Variants in USH2A observed in about 807,000 individuals in gnomAD.
USH2A encodes Usher syndrome 2A (autosomal recessive, mild).
In USH2A, 443 loss-of-function variants were observed where a neutral mutation model predicts 538.9. The observed-to-expected ratio is 0.82, with a 90% CI of 0.76 to 0.89. The LOEUF is 0.89. Among genes scored for constraint, USH2A ranks in the 40% least tolerant of loss-of-function variants. The pLI is 0.00. For synonymous variants in USH2A, 2,413 were observed against 2,273.5 expected (o/e 1.06, Z -1.75); for missense variants, 6,633 against 6,324.8 (o/e 1.05, Z -1.65).
intron 11 of USH2A, among the ~76,000 whole-genome samples, chr1:216,251,703 G>T (rs1235308932): frequency 6.6e-6 from 1 of 152,028 alleles, no homozygotes; most frequent in East Asian, 1.9e-4. Context: ...GCCTCCCAAA[G>T]TGCTGGGATT....
In USH2A at chr1:215,647,593, A is replaced by G; in HGVS notation, c.14720T>C (p.Leu4907Pro). Residue 4907 changes from leucine to proline, a missense_variant, in exon 67 of 72, where the codon CTG (leucine) becomes CCG (proline). Transcript: ENST00000307340. ...CACCTCGTTGTGTGCCACCACTCTCAGCTTGTATGTGGTGTAGGGCTGGAG... is the reference window on the plus strand; with the variant it reads ...CACCTCGTTGTGTGCCACCACTCTCGGCTTGTATGTGGTGTAGGGCTGGAG... Reference protein sequence around the residue: ...GGLQPYTTYKLRVVAHNEVGS... With the variant: ...GGLQPYTTYKPRVVAHNEVGS... 1 of 1,614,074 alleles carries G rather than the reference A, an allele frequency of 6.2e-7. No individual in the cohort carries two copies. Among genetic ancestry groups the G allele is most frequent in the Non-Finnish European group, 8.5e-7 (1 of 1,180,002 alleles).
chr1:216,377,747 A>G lies in USH2A; in HGVS notation c.652-12662T>C, dbSNP rs147084760. 2.1e-5 allele frequency among the ~76,000 whole-genome samples: 3 copies of G among 143,200 alleles called. No homozygotes were observed. In the East Asian group the frequency reaches 6.5e-4, roughly 31 times the overall value. 93.9% of individuals were successfully genotyped at this position (143,200 alleles called of 152,430 possible). ...AGAGAGAAGAAAGAGAAAGAAAAAA[A>G]AAAGAAAGAAAGAAAGAGAAGGAAA... On this transcript the variant is annotated intron_variant, in intron 3 of 71. Coordinates refer to ENST00000307340, the MANE Select transcript of USH2A (RefSeq NM_206933.4).
At chr1:216,227,796 G>A (rs1202402488) in intron 14 of USH2A, among the ~76,000 whole-genome samples, 2 of 152,170 alleles carry the variant, frequency 1.3e-5, no homozygotes, top group East Asian at 3.9e-4. Context: ...ACTGGTAGGA[G>A]TTTAAAGGGG....
At chr1:216,335,777 AT>A (rs1014921866) in intron 4 of USH2A, among the ~76,000 whole-genome samples, 1 of 151,536 alleles carries the variant, frequency 6.6e-6, no homozygotes, top group Non-Finnish European at 1.5e-5. Flanking sequence ...CAAATTAGTA[AT>A]TTTTTAAAAA....
intron 4 of USH2A, among the ~76,000 whole-genome samples, chr1:216,359,290 T>C (rs1223044594): frequency 6.6e-6 from 1 of 152,024 alleles, no homozygotes. Flanking sequence ...AATAAGAAAA[T>C]TGATGTTCAA....
chr1:215,786,882 A>G lies in USH2A; in HGVS notation c.10183-8T>C, dbSNP rs1661818914. The G allele has an allele frequency of 6.2e-7, 1 of 1,613,668 alleles. No individual in the cohort carries two copies. The highest frequency in any genetic ancestry group is 8.5e-7 in the Non-Finnish European group (1 of 1,179,784). ...CCTGCACTCTTTGGTTTCCTGAGTC[A>G]AGTGGCAGGGGTGAGAGAGAGAGGG... On this transcript the variant is annotated splice_region_variant and splice_polypyrimidine_tract_variant and intron_variant, in intron 51 of 71. Transcript: ENST00000307340.
At chr1:216,029,339 C>G (rs1045582558) in intron 32 of USH2A, among the ~76,000 whole-genome samples, 1 of 151,816 alleles carries the variant, frequency 6.6e-6, no homozygotes, top group Non-Finnish European at 1.5e-5. Context: ...ACAATATACA[C>G]TTTGAAGATA....
intron 21 of USH2A, among the ~76,000 whole-genome samples, chr1:216,123,725 T>C (rs1163063865): frequency 6.6e-6 from 1 of 152,148 alleles, no homozygotes; most frequent in African/African-American, 2.4e-5. Flanking sequence ...GCAAAATTAT[T>C]AGAAAGAACA....
rs550458257 is a variant in USH2A at position 216,010,528 on chromosome 1, G to C, written c.6326-9966C>G. On this transcript the variant is annotated intron_variant, in intron 32 of 71. Transcript: ENST00000307340. ...AGACCATCACGGATGCCGAGCTTTA[G>C]GTAACTCTCACAGTGGAGGGTAAGT... is the stretch of plus-strand genomic sequence containing the variant. Among the ~76,000 whole-genome samples, 7 of 151,850 alleles carry C rather than the reference G, an allele frequency of 4.6e-5. No homozygotes were observed. The South Asian group carries it at 1.5e-3, about 32-fold the overall frequency.
In USH2A at chr1:215,686,069, T is replaced by G. The variant is rs541857230; in HGVS notation, c.12067-5693A>C. Among the ~76,000 whole-genome samples, 10 of 152,280 alleles carry G rather than the reference T, an allele frequency of 6.6e-5. No individual in the cohort carries two copies. In the East Asian group the frequency reaches 1.2e-3, roughly 18 times the overall value. On this transcript the variant is annotated intron_variant, in intron 61 of 71. Transcript: ENST00000307340. ...ATGACACAGCTGCCAAAATGCTCAG[T>G]GCAAACATTTAGCAGTTTCTCAGCA...
At position 216,324,186 on chromosome 1, in the gene USH2A, T is replaced by C; in HGVS notation, c.1310A>G (p.Asn437Ser). The change falls in exon 7 of 72, where the codon AAC becomes AGC. Residue 437 changes from asparagine to serine, a missense_variant. By Grantham distance (46) the Asn-to-Ser change is conservative. Coordinates refer to ENST00000307340, the MANE Select transcript of USH2A (RefSeq NM_206933.4). ...NGDLEKPDSV[N>S]CLQLSNFTPY... ...TTCATACTTGGAAAGCTGAAGACAG[T>C]TGACAGAATCAGGTTTTTCCAAATC... is the stretch of plus-strand genomic sequence containing the variant. 1 of 1,613,220 alleles carries C rather than the reference T, an allele frequency of 6.2e-7. No individual in the cohort carries two copies.
chr1:216,199,177 A>T (rs1010971808), intron 17 of USH2A, among the ~76,000 whole-genome samples: 1 of 152,230 alleles, frequency 6.6e-6, no homozygotes, highest in African/African-American at 2.4e-5. Flanking sequence ...AAGGGTTCAA[A>T]TGCATGAATG....
At chr1:216,208,807 C>T (rs1252181934) in intron 15 of USH2A, among the ~76,000 whole-genome samples, 1 of 152,160 alleles carries the variant, frequency 6.6e-6, no homozygotes, top group Non-Finnish European at 1.5e-5. Context: ...CAAGAATTCT[C>T]TTCCAGTAGA....
intron 44 of USH2A, among the ~76,000 whole-genome samples, chr1:215,861,642 G>C (rs1308923653): frequency 1.3e-5 from 2 of 152,088 alleles, no homozygotes; most frequent in Admixed American, 1.3e-4. Flanking sequence ...CACACACCCA[G>C]TGTTTTCTGG....
chr1:216,324,122 A>G, intron 7 of USH2A, 46 bp downstream of exon 7: 1 of 1,584,774 alleles, frequency 6.3e-7, no homozygotes, highest in Non-Finnish European at 8.6e-7. Flanking sequence ...GTACATTATT[A>G]ATAACCAATC....
intron 67 of USH2A, among the ~76,000 whole-genome samples, chr1:215,642,779 G>C (rs1656728949): frequency 1.3e-5 from 2 of 151,928 alleles, no homozygotes. Context: ...GAGCAGTAAT[G>C]GGGGTATTCA....
At chr1:216,324,438 T>A in intron 6 of USH2A, 86 bp from the exon 7 acceptor site, 1 of 1,254,846 alleles carries the variant, frequency 8.0e-7, no homozygotes, top group Non-Finnish European at 1.1e-6. Context: ...TAGATTCAAA[T>A]ATATTGGCTC....
chr1:215,868,578 A>G (rs1664542649), intron 43 of USH2A, among the ~76,000 whole-genome samples: 1 of 152,172 alleles, frequency 6.6e-6, no homozygotes, highest in African/African-American at 2.4e-5. Context: ...TTTCAAAAAG[A>G]TATTTTCAAG....
chr1:216,362,457 G>A (rs2038510284), intron 4 of USH2A, among the ~76,000 whole-genome samples: 1 of 152,050 alleles, frequency 6.6e-6, no homozygotes, highest in Admixed American at 6.6e-5. Flanking sequence ...TAGTGTTTAA[G>A]GAAACAAGTA....
Sources: allele counts gnomAD v4.1 joint callset (sites outside exome capture counted in the v4.1 genomes callset), GRCh38; gene constraint gnomAD v4.1.1; transcripts MANE v1.5; gene names NCBI Gene and HGNC (gene_info 2026-07-23, HGNC 2026-07-21).